Variants in SPARC observed in about 807,000 individuals in gnomAD.
SPARC encodes the protein secreted protein acidic and cysteine rich, also known as basement-membrane protein 40.
A neutral mutation model predicts 37.7 loss-of-function variants in SPARC; 23 were observed. The observed-to-expected ratio is 0.61, with a 90% CI of 0.44 to 0.87. The LOEUF (loss-of-function observed/expected upper bound fraction) is 0.87, where lower values mean the gene tolerates loss of function less well. SPARC is among the 40% of genes least tolerant of loss of function. The pLI, the probability that SPARC is intolerant of heterozygous loss-of-function variation, is 0.00. For missense variants in SPARC, 312 were observed against 389.0 expected (o/e 0.80, Z 1.66); for synonymous variants, 155 against 150.8 (o/e 1.03, Z -0.20).
At chr5:151,674,810 T>G in intron 2 of SPARC, 136 bp from the exon 3 acceptor site, 1 of 744,030 alleles carries the variant, frequency 1.3e-6, no homozygotes, top group East Asian at 2.6e-5. Flanking sequence ...TTGTGCCTCA[T>G]GGACTGCCAT....
rs1186506045 is a variant in SPARC, at chr5:151,674,689, AAGT to A, written c.58-18_58-16del. ...GCTTCTTGCTGCTGTTGGAAAGAGAAAGTAGCGTTCAGAGGGGTCAGGAATAAG... is the reference window on the plus strand; with the variant it reads ...GCTTCTTGCTGCTGTTGGAAAGAGAAAGCGTTCAGAGGGGTCAGGAATAAG... On this transcript the variant is annotated splice_polypyrimidine_tract_variant and intron_variant, in intron 2 of 9. Coordinates refer to ENST00000231061, the MANE Select transcript of SPARC (RefSeq NM_003118.4). 6.2e-7 allele frequency: 1 copy of A among 1,613,994 alleles called. No individual in the cohort carries two copies. Among genetic ancestry groups the A allele is most frequent in the Non-Finnish European group, 8.5e-7 (1 of 1,179,924 alleles).
In SPARC at chr5:151,674,677, G is replaced by A. The variant is rs1486034095; in HGVS notation, c.58-3C>T. On this transcript the variant is annotated splice_region_variant and splice_polypyrimidine_tract_variant and intron_variant, in intron 2 of 9. Transcript: ENST00000231061. ...TCATCAGGCAGGGCTTCTTGCTGCT[G>A]TTGGAAAGAGAAAGTAGCGTTCAGA... The A allele has an allele frequency of 2.5e-6, 4 of 1,614,104 alleles. No individual in the cohort carries two copies. The highest frequency in any genetic ancestry group is 1.7e-5 in the Admixed American group (1 of 60,016).
intron 1 of SPARC, among the ~76,000 whole-genome samples, chr5:151,684,367 A>G (rs1031711876): frequency 2.0e-5 from 3 of 151,936 alleles, no homozygotes; most frequent in Non-Finnish European, 2.9e-5. Flanking sequence ...TGCAGCCTCA[A>G]GAGAGGAAGT....
rs745827933 is a variant in SPARC at position 151,663,524 on chromosome 5, G to A, written c.*47C>T. ...ACATTTTAAACATTGGGGGAAACAC[G>A]AAGGGGAGGGTTAAAGAGAGAATCC... On this transcript the variant is annotated 3_prime_UTR_variant, in exon 10 of 10. Transcript: ENST00000231061. 7.6e-6 allele frequency: 12 copies of A among 1,574,562 alleles called. No homozygotes were observed. Among genetic ancestry groups the A allele is most frequent in the South Asian group, 6.7e-5 (6 of 89,886 alleles).
At chr5:151,664,499 C>T (rs1301661342) in intron 8 of SPARC, among the ~76,000 whole-genome samples, 2 of 152,172 alleles carry the variant, frequency 1.3e-5, no homozygotes, top group Non-Finnish European at 2.9e-5. Flanking sequence ...GCCCTTCCAG[C>T]TCTAAGGTTT....
chr5:151,686,537 G>A (rs926300175), intron 1 of SPARC: 1 of 152,286 alleles, frequency 6.6e-6, no homozygotes, highest in Non-Finnish European at 1.5e-5. Flanking sequence ...TGCAAAGGGA[G>A]CAAAGAGGAC....
At chr5:151,684,415 CT>C (rs71575110) in intron 1 of SPARC, among the ~76,000 whole-genome samples, 39,604 of 139,574 alleles carry the variant, frequency 0.28, 5,535 homozygotes, top group East Asian at 0.49. Flanking sequence ...TTAGAACACA[CT>C]TTTTTTTTTT....
At position 151,671,632 on chromosome 5, in the gene SPARC, G is replaced by C. The variant is rs1479470368; in HGVS notation, c.271C>G (p.Pro91Ala). ...KVCELDENNT[P>A]MCVCQDPTSC... ...GTGGGGTCCTGGCACACGCACATGG[G>C]GGTGTTGTTCTCATCCAGCTCGCAC... Residue 91 changes from proline to alanine, a missense_variant, in exon 5 of 10, where the codon CCC (proline) becomes GCC (alanine). By Grantham distance (27) the Pro-to-Ala change is conservative. Transcript: ENST00000231061. 6.2e-7 allele frequency: 1 copy of C among 1,609,580 alleles called. No homozygotes were observed. Among genetic ancestry groups the C allele is most frequent in the Admixed American group, 1.7e-5 (1 of 59,668 alleles).
At chr5:151,665,898 A>G (rs1432856490) in intron 8 of SPARC, among the ~76,000 whole-genome samples, 1 of 152,166 alleles carries the variant, frequency 6.6e-6, no homozygotes. Context: ...TGCAAAATAG[A>G]CAGGCTTTTT....
chr5:151,685,418 T>TCACACACACA (rs1300799488), intron 1 of SPARC, among the ~76,000 whole-genome samples: 3 of 62,102 alleles, frequency 4.8e-5, no homozygotes, highest in East Asian at 1.3e-3. Context: ...TCTCCCTCTC[T>TCACACACACA]CTCTCACACA....
At chr5:151,677,900 A>C (rs543475883) in intron 1 of SPARC, among the ~76,000 whole-genome samples, 2 of 152,314 alleles carry the variant, frequency 1.3e-5, no homozygotes, top group African/African-American at 2.4e-5. Context: ...CTTCCAGAGG[A>C]GTCTAGTCTT....
intron 8 of SPARC, among the ~76,000 whole-genome samples, chr5:151,665,530 T>C (rs1448488858): frequency 6.6e-6 from 1 of 152,126 alleles, no homozygotes; most frequent in African/African-American, 2.4e-5. Context: ...AGGGCAGCCC[T>C]TCCTTTCCCC....
chr5:151,681,380 C>T (rs1458859139), intron 1 of SPARC, among the ~76,000 whole-genome samples: 2 of 152,246 alleles, frequency 1.3e-5, no homozygotes, highest in Non-Finnish European at 2.9e-5. Flanking sequence ...TGTCTCCCAG[C>T]TCACTGTGCG....
chr5:151,673,514 A>G (rs113835999), intron 3 of SPARC, among the ~76,000 whole-genome samples: 1,938 of 152,306 alleles, frequency 0.013, 41 homozygotes, highest in African/African-American at 0.044. Context: ...CTCCTATTCT[A>G]TGCAGTCATC....
chr5:151,667,760 G>C (rs1277277975), intron 6 of SPARC, 160 bp from the exon 7 acceptor site: 1 of 740,352 alleles, frequency 1.4e-6, no homozygotes, highest in Non-Finnish European at 2.2e-6. Flanking sequence ...GAGCAGAGGA[G>C]ATTATGTGTG....
intron 2 of SPARC, 74 bp downstream of exon 2, chr5:151,676,058 G>C: frequency 3.9e-6 from 5 of 1,272,186 alleles, no homozygotes; most frequent in Non-Finnish European, 5.6e-6. Flanking sequence ...TCAGCATCCA[G>C]GGCTGGCAGG....
rs1009940924 is a variant in SPARC, at chr5:151,670,104, T to A, written c.331-320A>T. 2.0e-5 allele frequency among the ~76,000 whole-genome samples: 3 copies of A among 151,980 alleles called. No homozygotes were observed. In the South Asian group the frequency reaches 6.2e-4, roughly 32 times the overall value. On this transcript the variant is annotated intron_variant, in intron 5 of 9. Coordinates refer to ENST00000231061, the MANE Select transcript of SPARC (RefSeq NM_003118.4). ...GACAGGAATGGGAGAGAAACAAGAG[T>A]GTTCAAAGAAGAGTTAACATAGCAG...
intron 5 of SPARC, among the ~76,000 whole-genome samples, chr5:151,671,109 T>C (rs530787985): frequency 6.6e-6 from 1 of 152,342 alleles, no homozygotes; most frequent in African/African-American, 2.4e-5. Context: ...GTACCAAACA[T>C]TTCTGACACA....
chr5:151,664,109 G>C lies in SPARC; in HGVS notation c.861C>G (p.Ala287=). ...NDKYIALDEW[A]GCFGIKQKDI... is the part of the protein sequence containing the mutation. ...CACTCTGCTTGATGCCGAAGCAGCC[G>C]GCCCACTCATCCAGGGCGATGTACT... Residue 287 remains alanine, a synonymous_variant, in exon 9 of 10, where the codon GCC becomes GCG. Coordinates refer to ENST00000231061, the MANE Select transcript of SPARC (RefSeq NM_003118.4). The C allele has an allele frequency of 6.2e-7, 1 of 1,614,172 alleles. No individual in the cohort carries two copies. The highest frequency in any genetic ancestry group is 8.5e-7 in the Non-Finnish European group (1 of 1,180,038).
Sources: allele counts gnomAD v4.1 joint callset (sites outside exome capture counted in the v4.1 genomes callset), GRCh38; gene constraint gnomAD v4.1.1; transcripts MANE v1.5; gene names NCBI Gene and HGNC (gene_info 2026-07-23, HGNC 2026-07-21).